The following RANBP2 variants were observed in gnomAD, a reference collection of about 807,000 sequenced individuals.
The protein encoded by RANBP2 is E3 SUMO-protein ligase RanBP2.
RANBP2 carries 57 observed loss-of-function variants against 303.6 expected under a neutral mutation model. The observed-to-expected ratio is 0.19, with a 90% confidence interval of 0.15 to 0.23. The LOEUF (loss-of-function observed/expected upper bound fraction) is 0.23, where lower values mean the gene tolerates loss of function less well. Ranked by LOEUF, RANBP2 falls within the 10% of genes least tolerant of loss-of-function variation. The probability of loss-of-function intolerance (pLI) is 1.00; values close to 1 mark genes in which losing one functional copy is unlikely to be tolerated. For missense variants in RANBP2, 3,138 were observed against 3,780.8 expected (o/e 0.83, Z 4.46); for synonymous variants, 1,167 against 1,301.5 (o/e 0.90, Z 2.23).
At chr2:109,104,673 G>A in the RANBP2 span, among the ~76,000 whole-genome samples, 1 of 151,654 alleles carries the variant, frequency 6.6e-6, no homozygotes, top group Admixed American at 6.6e-5. Context: ...TAGTAGAGAC[G>A]GGGGTTTCAC....
At chr2:109,419,501 CTG>C in the RANBP2 span, 4 of 1,546,328 alleles carry the variant, frequency 2.6e-6, no homozygotes, top group South Asian at 2.4e-5. Context: ...GATGGAGTCT[CTG>C]TCTCCTCACT....
chr2:109,039,681 T>C, the RANBP2 span, among the ~76,000 whole-genome samples: 2 of 152,184 alleles, frequency 1.3e-5, no homozygotes, highest in Non-Finnish European at 2.9e-5. Flanking sequence ...AGATTTCTTC[T>C]TTTGTTAAGT....
chr2:108,767,075 A>G lies in RANBP2; in HGVS notation c.6536A>G (p.Asp2179Gly). The G allele has an allele frequency of 6.2e-7, 1 of 1,610,966 alleles. No homozygotes were observed. Among genetic ancestry groups the G allele is most frequent in the Non-Finnish European group, 8.5e-7 (1 of 1,179,174 alleles). Residue 2179 changes from aspartate to glycine, a missense_variant, in exon 20 of 29, where the codon GAT (aspartate) becomes GGT (glycine). Transcript: ENST00000283195. ...RAEEMKSGLKDFKTFLTNDQT... is the reference protein window; with the variant it reads ...RAEEMKSGLKGFKTFLTNDQT... ...GAAGAAATGAAGAGTGGACTGAAAG[A>G]TTTCAAAACATTTTTGACAAATGAT...
chr2:108,944,029 T>A, the RANBP2 span, among the ~76,000 whole-genome samples: 1 of 152,338 alleles, frequency 6.6e-6, no homozygotes, highest in South Asian at 2.1e-4. Flanking sequence ...AGATTGTGGT[T>A]TCTCAGGAAT....
At chr2:109,582,503 G>A in the RANBP2 span, among the ~76,000 whole-genome samples, 1 of 151,954 alleles carries the variant, frequency 6.6e-6, no homozygotes, top group Admixed American at 6.6e-5. Context: ...AAAATTTTTT[G>A]TAGAGACGAG....
At chr2:109,104,813 G>A in the RANBP2 span, among the ~76,000 whole-genome samples, 84 of 152,222 alleles carry the variant, frequency 5.5e-4, 1 homozygote, top group Middle Eastern at 0.02. Flanking sequence ...GGTTTACAAT[G>A]GTAACAGCAA....
the RANBP2 span, among the ~76,000 whole-genome samples, chr2:109,209,606 C>G: frequency 6.6e-6 from 1 of 152,174 alleles, no homozygotes; most frequent in Non-Finnish European, 1.5e-5. Flanking sequence ...TATCCACTCC[C>G]TGCTGTGTAG....
At chr2:108,926,507 G>A in the RANBP2 span, among the ~76,000 whole-genome samples, 3 of 152,190 alleles carry the variant, frequency 2.0e-5, no homozygotes, top group Non-Finnish European at 4.4e-5. Flanking sequence ...TCCTCCAACC[G>A]TGTTGGTGTG....
the RANBP2 span, among the ~76,000 whole-genome samples, chr2:109,073,214 T>A: frequency 6.6e-6 from 1 of 151,906 alleles, no homozygotes; most frequent in Non-Finnish European, 1.5e-5. Context: ...GTAGAAAATA[T>A]TAAAAAGTGC....
the RANBP2 span, among the ~76,000 whole-genome samples, chr2:109,215,716 C>T: frequency 0.011 from 1,607 of 152,292 alleles, 30 homozygotes; most frequent in African/African-American, 0.036. Flanking sequence ...GTGACTCACC[C>T]TGTGAACTGC....
the RANBP2 span, among the ~76,000 whole-genome samples, chr2:109,606,670 A>T: frequency 7.8e-6 from 1 of 128,998 alleles, no homozygotes; most frequent in Admixed American, 8.4e-5. Context: ...AAAAATTTTA[A>T]GCTTTTTTTT....
At chr2:109,539,271 C>G in the RANBP2 span, among the ~76,000 whole-genome samples, 1 of 151,968 alleles carries the variant, frequency 6.6e-6, no homozygotes, top group Non-Finnish European at 1.5e-5. Context: ...GCACTCCAGC[C>G]TGGGCGACAG....
chr2:109,683,098 T>A, the RANBP2 span, among the ~76,000 whole-genome samples: 1 of 152,064 alleles, frequency 6.6e-6, no homozygotes, highest in Non-Finnish European at 1.5e-5. Context: ...CTCTGCCTCC[T>A]GAGTTCAAGA....
At chr2:108,897,091 A>G in the RANBP2 span, 4 of 1,613,744 alleles carry the variant, frequency 2.5e-6, no homozygotes, top group South Asian at 1.1e-5. Context: ...CATGCCCCCA[A>G]TCTCATCCCT....
the RANBP2 span, among the ~76,000 whole-genome samples, chr2:108,995,360 G>C: frequency 6.6e-6 from 1 of 152,144 alleles, no homozygotes; most frequent in Non-Finnish European, 1.5e-5. Flanking sequence ...CATTTTGCAG[G>C]TAATCTGTAA....
the RANBP2 span, among the ~76,000 whole-genome samples, chr2:109,661,129 C>T: frequency 6.6e-6 from 1 of 152,156 alleles, no homozygotes; most frequent in African/African-American, 2.4e-5. Context: ...TCCATGCAGT[C>T]ACTTAGGGAC....
At chr2:109,108,607 G>A in the RANBP2 span, among the ~76,000 whole-genome samples, 1 of 152,150 alleles carries the variant, frequency 6.6e-6, no homozygotes, top group Non-Finnish European at 1.5e-5. Flanking sequence ...TCCAAAGTGT[G>A]CTCACGTTTC....
At chr2:109,123,976 T>C in the RANBP2 span, among the ~76,000 whole-genome samples, 14 of 148,158 alleles carry the variant, frequency 9.4e-5, no homozygotes, top group Admixed American at 4.8e-4. Flanking sequence ...TATTTTCTTT[T>C]CAGTTTTATT....
At chr2:109,431,071 C>A in the RANBP2 span, among the ~76,000 whole-genome samples, 90 of 152,304 alleles carry the variant, frequency 5.9e-4, no homozygotes, top group East Asian at 0.017. Context: ...CAGAATATTC[C>A]ACACTGGTTC....
Sources: allele counts gnomAD v4.1 joint callset (sites outside exome capture counted in the v4.1 genomes callset), GRCh38; gene constraint gnomAD v4.1.1; transcripts MANE v1.5; gene names NCBI Gene and HGNC (gene_info 2026-07-23, HGNC 2026-07-21).